Variants in SLC1A1 observed in about 807,000 individuals in gnomAD.
SLC1A1 encodes solute carrier family 1 member 1, also known as excitatory amino acid transporter 3.
A neutral mutation model predicts 53.3 loss-of-function variants in SLC1A1; 43 were observed. That is an observed-to-expected ratio of 0.81 (90% CI 0.63 to 1.04). The LOEUF is 1.04. SLC1A1 is among the 50% of genes least tolerant of loss of function. SLC1A1 has a pLI of 0.00. For synonymous variants in SLC1A1, 307 were observed against 243.2 expected (o/e 1.26, Z -2.44); for missense variants, 748 against 664.9 (o/e 1.12, Z -1.37).
intron 1 of SLC1A1, among the ~76,000 whole-genome samples, chr9:4,506,521 A>G (rs1353215600): frequency 6.6e-6 from 1 of 152,028 alleles, no homozygotes; most frequent in East Asian, 1.9e-4. Context: ...TAACATCTGC[A>G]TTGAATATTG....
intron 5 of SLC1A1, among the ~76,000 whole-genome samples, chr9:4,567,388 A>G (rs1819588690): frequency 6.6e-6 from 1 of 152,200 alleles, no homozygotes; most frequent in African/African-American, 2.4e-5. Context: ...TTTCTTTTGT[A>G]TTATTCTTCT....
At chr9:4,550,739 A>T (rs1284615769) in intron 2 of SLC1A1, among the ~76,000 whole-genome samples, 1 of 152,194 alleles carries the variant, frequency 6.6e-6, no homozygotes, top group African/African-American at 2.4e-5. Flanking sequence ...AACCTTAGGT[A>T]TATTCAGTAT....
At chr9:4,576,237 G>A in intron 9 of SLC1A1, 114 bp downstream of exon 9, 2 of 1,014,524 alleles carry the variant, frequency 2.0e-6, no homozygotes, top group Middle Eastern at 2.4e-4. Context: ...TTTGAGAAAT[G>A]ACCTCCGTAT....
At chr9:4,504,238 C>A (rs189579407) in intron 1 of SLC1A1, among the ~76,000 whole-genome samples, 1 of 152,190 alleles carries the variant, frequency 6.6e-6, no homozygotes, top group Non-Finnish European at 1.5e-5. Context: ...TGAATCAACC[C>A]TGGATGGTAG....
intron 1 of SLC1A1, among the ~76,000 whole-genome samples, chr9:4,542,791 G>C (rs1321995863): frequency 6.6e-6 from 1 of 152,092 alleles, no homozygotes; most frequent in Non-Finnish European, 1.5e-5. Context: ...TGAATTCTTG[G>C]TGTTCTTATC....
At chr9:4,511,245 G>A (rs1820988026) in intron 1 of SLC1A1, among the ~76,000 whole-genome samples, 1 of 152,134 alleles carries the variant, frequency 6.6e-6, no homozygotes, top group Admixed American at 6.5e-5. Context: ...CTGGAGGCCA[G>A]GATGTCCAAG....
At chr9:4,567,492 T>C (rs1414358064) in intron 5 of SLC1A1, among the ~76,000 whole-genome samples, 177 bp from the exon 6 acceptor site, 3 of 152,186 alleles carry the variant, frequency 2.0e-5, no homozygotes, top group African/African-American at 7.2e-5. Context: ...TGCCTCGCTT[T>C]TAGTTCCAAA....
intron 1 of SLC1A1, among the ~76,000 whole-genome samples, chr9:4,494,663 T>C (rs1014246065): frequency 2.0e-5 from 3 of 151,032 alleles, no homozygotes; most frequent in Non-Finnish European, 3.0e-5. Context: ...ATAATTTATA[T>C]AAATATAATT....
At chr9:4,512,551 G>A (rs879727046) in intron 1 of SLC1A1, among the ~76,000 whole-genome samples, 6 of 151,862 alleles carry the variant, frequency 4.0e-5, no homozygotes, top group Non-Finnish European at 7.4e-5. Flanking sequence ...GAAAGATAAA[G>A]GCATTAGAAG....
intron 1 of SLC1A1, among the ~76,000 whole-genome samples, chr9:4,517,879 G>T (rs1815915595): frequency 6.6e-6 from 1 of 152,082 alleles, no homozygotes; most frequent in African/African-American, 2.4e-5. Flanking sequence ...TTGTACGTTT[G>T]CAGTCTTTGA....
intron 1 of SLC1A1, among the ~76,000 whole-genome samples, chr9:4,539,731 C>T (rs538211045): frequency 1.7e-4 from 26 of 152,252 alleles, no homozygotes; most frequent in African/African-American, 4.8e-4. Context: ...ACCACCAAGC[C>T]TGGCTAATTT....
chr9:4,574,916 T>C (rs562452067), intron 8 of SLC1A1, among the ~76,000 whole-genome samples: 1 of 152,292 alleles, frequency 6.6e-6, no homozygotes, highest in African/African-American at 2.4e-5. Context: ...AGAGGCAGAT[T>C]TGGTCCCTAC....
chr9:4,508,553 T>G (rs1313580550), intron 1 of SLC1A1, among the ~76,000 whole-genome samples: 1 of 152,214 alleles, frequency 6.6e-6, no homozygotes, highest in East Asian at 1.9e-4. Context: ...AATTGTCATG[T>G]GTACAGCACC....
intron 2 of SLC1A1, among the ~76,000 whole-genome samples, chr9:4,548,557 A>G (rs1051436195): frequency 6.6e-6 from 1 of 152,204 alleles, no homozygotes; most frequent in African/African-American, 2.4e-5. Flanking sequence ...TTAAAAAAAT[A>G]CTTTATAGCT....
intron 1 of SLC1A1, among the ~76,000 whole-genome samples, chr9:4,508,426 C>T (rs1049236245): frequency 4.6e-5 from 7 of 152,116 alleles, no homozygotes; most frequent in African/African-American, 1.7e-4. Flanking sequence ...GCTCGAGAGA[C>T]TAGATTCCTG....
intron 10 of SLC1A1, among the ~76,000 whole-genome samples, chr9:4,578,073 T>C (rs1586852879): frequency 6.6e-6 from 1 of 152,174 alleles, no homozygotes; most frequent in East Asian, 1.9e-4. Flanking sequence ...GAAAGATAAA[T>C]AGTAAATACT....
chr9:4,538,870 C>T (rs1816780595), intron 1 of SLC1A1, among the ~76,000 whole-genome samples: 2 of 152,160 alleles, frequency 1.3e-5, no homozygotes. Context: ...TGCATGTAGT[C>T]ATTTGTCAGT....
Position 4,583,044 on chromosome 9 carries a change from G to A in SLC1A1, c.1200G>A (p.Thr400=), listed in dbSNP as rs144334183. The change falls in exon 11 of 12, where the codon ACG becomes ACA. Residue 400 remains threonine, a synonymous_variant. Coordinates refer to ENST00000262352, the MANE Select transcript of SLC1A1 (RefSeq NM_004170.6). This position sits in a 1 kb window ranked among gnomAD's most constrained non-coding sequence, Gnocchi z 4.6. ...TGCTGGTATGTTTCTGCAGTATCAC[G>A]GCCACATCTGCCAGCATCGGAGCTG... is the stretch of plus-strand genomic sequence containing the variant. ...GIGQIITISI[T]ATSASIGAAG... The A allele has an allele frequency of 4.4e-4, 707 of 1,614,182 alleles. No individual in the cohort carries two copies. Among genetic ancestry groups the A allele is most frequent in the Middle Eastern group, 1.2e-3 (7 of 6,062 alleles).
intron 10 of SLC1A1, 150 bp from the exon 11 acceptor site, chr9:4,582,888 T>C: frequency 2.0e-6 from 2 of 984,204 alleles, no homozygotes; most frequent in South Asian, 1.3e-5. Flanking sequence ...GAGGCAGAGC[T>C]GGGGCTCAGC....
Sources: allele counts gnomAD v4.1 joint callset (sites outside exome capture counted in the v4.1 genomes callset), GRCh38; gene constraint gnomAD v4.1.1; non-coding constraint Gnocchi (gnomAD v3.1); transcripts MANE v1.5; gene names NCBI Gene and HGNC (gene_info 2026-07-23, HGNC 2026-07-21).